Variants in GSE1 observed in about 807,000 individuals in gnomAD.
GSE1 encodes the protein Gse1 coiled-coil protein.
In GSE1, 32 loss-of-function variants were observed where a neutral mutation model predicts 112.6. The ratio of observed to expected loss-of-function variants is 0.28; its 90% confidence interval spans 0.21 to 0.38. The LOEUF is 0.38. Among genes scored for constraint, GSE1 ranks in the 10% least tolerant of loss-of-function variants. GSE1 has a pLI of 1.00. For synonymous variants in GSE1, 1,115 were observed against 735.6 expected (o/e 1.52, Z -8.35); for missense variants, 2,348 against 1,699.2 (o/e 1.38, Z -6.71).
At chr16:85,253,219 C>T (rs925024663) in intron 1 of GSE1, among the ~76,000 whole-genome samples, 10 of 152,168 alleles carry the variant, frequency 6.6e-5, no homozygotes, top group African/African-American at 1.7e-4. Context: ...GCCTCGCCGC[C>T]GGCGACTCAC....
At chr16:85,369,178 C>G (rs1033847844) in intron 2 of GSE1, among the ~76,000 whole-genome samples, 1 of 151,976 alleles carries the variant, frequency 6.6e-6, no homozygotes, top group South Asian at 2.1e-4. Context: ...TTTCCCACTT[C>G]TAGGGGCCGT....
At chr16:85,476,691 T>G (rs1262401847) in intron 2 of GSE1, among the ~76,000 whole-genome samples, 1 of 152,082 alleles carries the variant, frequency 6.6e-6, no homozygotes, top group Non-Finnish European at 1.5e-5. Flanking sequence ...TGGAGTTGAC[T>G]GGCACAATCA....
intron 2 of GSE1, among the ~76,000 whole-genome samples, chr16:85,383,227 C>A (rs773999426): frequency 5.3e-5 from 8 of 151,900 alleles, no homozygotes; most frequent in Non-Finnish European, 8.8e-5. Flanking sequence ...CATAAACACA[C>A]ACATTCACAT....
At chr16:85,665,277 GCA>G (rs2052749461) in intron 12 of GSE1, 149 bp downstream of exon 12, 3 of 609,084 alleles carry the variant, frequency 4.9e-6, no homozygotes, top group East Asian at 2.8e-5. Context: ...TACGATTCTT[GCA>G]CAGTTGTGAC....
intron 2 of GSE1, among the ~76,000 whole-genome samples, chr16:85,477,852 G>A (rs561853597): frequency 5.3e-5 from 8 of 152,154 alleles, no homozygotes; most frequent in African/African-American, 1.7e-4. Flanking sequence ...GAACCACCGC[G>A]CCCGGCCTAG....
At chr16:85,209,229 C>T (rs2075180464) in intron 1 of GSE1, among the ~76,000 whole-genome samples, 1 of 152,132 alleles carries the variant, frequency 6.6e-6, no homozygotes, top group Admixed American at 6.5e-5. Flanking sequence ...CACAACAACC[C>T]CACGAGGTAG....
chr16:85,329,088 A>G (rs1219618449), intron 1 of GSE1, among the ~76,000 whole-genome samples: 4 of 151,908 alleles, frequency 2.6e-5, no homozygotes, highest in African/African-American at 9.7e-5. Flanking sequence ...CTAACACTTG[A>G]ACTCTGCCCT....
At chr16:85,655,090 G>A (rs1486882315) in intron 5 of GSE1, 99 bp downstream of exon 5, 1 of 802,644 alleles carries the variant, frequency 1.2e-6, no homozygotes, top group African/African-American at 1.7e-5. Flanking sequence ...TGAGAGCCAG[G>A]CTCCTAGGGG....
intron 1 of GSE1, among the ~76,000 whole-genome samples, chr16:85,565,413 AAAC>A (rs1567595058): frequency 2.6e-5 from 4 of 151,488 alleles, no homozygotes; most frequent in African/African-American, 9.7e-5. Context: ...AAACAAAAAA[AAAC>A]AAAAAAACCA....
At chr16:85,368,962 G>C (rs1446774757) in intron 2 of GSE1, among the ~76,000 whole-genome samples, 2 of 152,134 alleles carry the variant, frequency 1.3e-5, no homozygotes, top group Non-Finnish European at 2.9e-5. Context: ...GTCGGGTGCT[G>C]TGTCTGGAAA....
chr16:85,260,319 C>CTTTTTTTTTTTT lies in GSE1; in HGVS notation c.2283+88523_2283+88534dup, dbSNP rs111292010. Among the ~76,000 whole-genome samples the CTTTTTTTTTTTT allele has an allele frequency of 1.8e-3, 173 of 94,848 alleles. 2 individuals are homozygous for CTTTTTTTTTTTT. Among genetic ancestry groups the CTTTTTTTTTTTT allele is most frequent in the South Asian group, 2.8e-3 (7 of 2,498 alleles). 62.2% of individuals were successfully genotyped at this position (94,848 alleles called of 152,430 possible). The stretch of plus-strand genomic sequence containing the variant: ...TATTTTTCCTTTTTCTTTTTCTTTT[C>CTTTTTTTTTTTT]TTTTTTTTTTTTTTTTTTTTTTGAG... On this transcript the variant is annotated intron_variant, in intron 1 of 2. Transcript: ENST00000637419.
At chr16:85,629,696 G>A (rs774900300) in intron 1 of GSE1, among the ~76,000 whole-genome samples, 31 of 152,354 alleles carry the variant, frequency 2.0e-4, no homozygotes, top group Non-Finnish European at 3.1e-4. Context: ...AGGAATGTGG[G>A]AAAGGGGGAT....
In GSE1 at chr16:85,349,046, C is replaced by T. The variant is rs186921241; in HGVS notation, c.2284-8417C>T. Among the ~76,000 whole-genome samples, 39 of 152,280 alleles carry T rather than the reference C, an allele frequency of 2.6e-4. No individual in the cohort carries two copies. In the East Asian group the frequency reaches 6.4e-3, roughly 25 times the overall value. The stretch of plus-strand genomic sequence containing the variant: ...ATGTGGCAGCCACCAGCCTCTCCCG[C>T]GCGATCTGCCGTGTGGCGTGTGCTT... On this transcript the variant is annotated intron_variant, in intron 1 of 2. Coordinates refer to the GSE1 transcript ENST00000637419.
At chr16:85,528,409 T>C (rs2052429363) in intron 2 of GSE1, among the ~76,000 whole-genome samples, 1 of 152,072 alleles carries the variant, frequency 6.6e-6, no homozygotes, top group African/African-American at 2.4e-5. Flanking sequence ...CTTCCTGGGC[T>C]CATGGGATCC....
intron 1 of GSE1, among the ~76,000 whole-genome samples, chr16:85,280,584 C>T (rs1255200430): frequency 3.9e-5 from 6 of 152,094 alleles, no homozygotes; most frequent in Non-Finnish European, 7.4e-5. Flanking sequence ...TTAGTAGAGA[C>T]GGGATTTTGC....
chr16:85,316,514 G>C (rs2045988909), intron 1 of GSE1, among the ~76,000 whole-genome samples: 1 of 152,206 alleles, frequency 6.6e-6, no homozygotes, highest in Non-Finnish European at 1.5e-5. Context: ...CGCTCCAGCA[G>C]GCTTTGATCT....
intron 1 of GSE1, among the ~76,000 whole-genome samples, chr16:85,590,201 T>A (rs2046928968): frequency 6.6e-6 from 1 of 151,776 alleles, no homozygotes; most frequent in Admixed American, 6.6e-5. Flanking sequence ...TGAATGTGTG[T>A]GATTGTGTGA....
intron 1 of GSE1, among the ~76,000 whole-genome samples, chr16:85,332,185 A>G (rs910655354): frequency 5.3e-5 from 8 of 152,144 alleles, no homozygotes. Context: ...ATGTAGAGGT[A>G]AAAAGCACAA....
At chr16:85,315,933 G>GT (rs2045976445) in intron 1 of GSE1, among the ~76,000 whole-genome samples, 1 of 152,018 alleles carries the variant, frequency 6.6e-6, no homozygotes, top group Admixed American at 6.5e-5. Flanking sequence ...AGTGGGAGGG[G>GT]GGGTGAAGGT....
Sources: gnomAD v4.1 joint callset for allele counts (sites outside exome capture counted in the v4.1 genomes callset) on GRCh38, gnomAD v4.1.1 for gene constraint, MANE v1.5 for transcripts, NCBI Gene and HGNC (gene_info 2026-07-23, HGNC 2026-07-21) for gene names.